The following OVGP1 variants were observed in gnomAD, a reference collection of about 807,000 sequenced individuals.
OVGP1 encodes oviductal glycoprotein 1, also known as oviduct-specific glycoprotein.
Under a neutral mutation model 48.2 loss-of-function variants are expected in OVGP1, and 26 were observed. The observed-to-expected ratio is 0.54, with a 90% CI of 0.40 to 0.75. The LOEUF (loss-of-function observed/expected upper bound fraction) is 0.75. Ranked by LOEUF, OVGP1 falls within the 30% of genes least tolerant of loss-of-function variation. The pLI, the probability that OVGP1 is intolerant of heterozygous loss-of-function variation, is 0.00. For missense variants in OVGP1, 791 were observed against 820.6 expected (o/e 0.96, Z 0.44); for synonymous variants, 294 against 305.7 (o/e 0.96, Z 0.40).
intron 4 of OVGP1, 28 bp from the exon 5 acceptor site, chr1:111,423,736 G>T (rs1293750883): frequency 2.7e-5 from 44 of 1,607,464 alleles, no homozygotes; most frequent in Non-Finnish European, 3.6e-5. Flanking sequence ...GTAAGGCAAA[G>T]AACTCTATCC....
In OVGP1 at chr1:111,422,986, A is replaced by C; in HGVS notation, c.549T>G (p.Ala183=). 3 of 1,614,194 alleles carry C rather than the reference A, an allele frequency of 1.9e-6. No homozygotes were observed. The highest frequency in any genetic ancestry group is 2.5e-6 in the Non-Finnish European group (3 of 1,180,032). Residue 183 remains alanine, a synonymous_variant, in exon 6 of 11, where the codon GCT becomes GCG. Coordinates refer to ENST00000369732, the MANE Select transcript of OVGP1 (RefSeq NM_002557.4). ...CGATGTGTGGGACCCCAGAAACAGCAGCAGACAGCAGCAGCCTCGGGCGCA... is the reference window on the plus strand; with the variant it reads ...CGATGTGTGGGACCCCAGAAACAGCCGCAGACAGCAGCAGCCTCGGGCGCA... ...LTMRPRLLLS[A]AVSGVPHIVQ... is the part of the protein sequence containing the mutation.
At chr1:111,427,418 A>G (rs1332542867) in intron 1 of OVGP1, 11 of 955,142 alleles carry the variant, frequency 1.2e-5, no homozygotes, top group Non-Finnish European at 1.4e-5. Context: ...AAGTACTGAT[A>G]TCCTGGCTGG....
chr1:111,417,555 C>T (rs1399492057), intron 9 of OVGP1, among the ~76,000 whole-genome samples: 1 of 152,160 alleles, frequency 6.6e-6, no homozygotes, highest in Non-Finnish European at 1.5e-5. Flanking sequence ...AAGTCTGAAA[C>T]TGTGAAGTTT....
chr1:111,420,259 G>C (rs893734708), intron 8 of OVGP1, among the ~76,000 whole-genome samples: 1 of 152,166 alleles, frequency 6.6e-6, no homozygotes, highest in Non-Finnish European at 1.5e-5. Context: ...AAAACTATAT[G>C]CTGCAAAAAA....
intron 5 of OVGP1, 132 bp downstream of exon 5, chr1:111,423,411 G>T (rs1557784314): frequency 1.0e-6 from 1 of 970,442 alleles, no homozygotes; most frequent in Non-Finnish European, 1.5e-6. Flanking sequence ...CCCTCCAGGG[G>T]TTCACAGTAA....
At position 111,414,591 on chromosome 1, in the gene OVGP1, G is replaced by T. The variant is rs1312008461; in HGVS notation, c.1910C>A (p.Ala637Asp). The change falls in exon 11 of 11, where the codon GCT (alanine) becomes GAT (aspartate). Residue 637 changes from alanine (A) to aspartate (D), a missense_variant. Transcript: ENST00000369732. ...GATGGGAACAAAGCGGTTGTCAAAA[G>T]CTAGAGGAGTTTGTTCCGGGAGCTG... ...VIQLPEQTPL[A>D]FDNRFVPIYG... The T allele has an allele frequency of 3.7e-6, 6 of 1,614,230 alleles. No homozygotes were observed. Among genetic ancestry groups the T allele is most frequent in the Non-Finnish European group, 5.1e-6 (6 of 1,180,040 alleles).
intron 4 of OVGP1, among the ~76,000 whole-genome samples, chr1:111,423,969 C>T (rs965502200): frequency 2.0e-5 from 3 of 152,228 alleles, no homozygotes; most frequent in African/African-American, 7.2e-5. Context: ...CAGGGAACAG[C>T]AGGCACAGAA....
In OVGP1 at chr1:111,415,274, T is replaced by C. The variant is rs781559869; in HGVS notation, c.1227A>G (p.Glu409=). Residue 409 remains glutamate (E), a synonymous_variant, in exon 11 of 11, where the codon GAA becomes GAG. Coordinates refer to ENST00000369732, the MANE Select transcript of OVGP1 (RefSeq NM_002557.4). The stretch of plus-strand genomic sequence containing the variant: ...TCCATGCCGTGGTCACAGCCAGCCT[T>C]TCAGGGTCAGTGCTTGAAGAATTCA... ...SAVNSSSTDP[E]RLAVTTAWTT... is the part of the protein sequence containing the mutation. The C allele has an allele frequency of 6.2e-7, 1 of 1,614,136 alleles. No individual in the cohort carries two copies. Among genetic ancestry groups the C allele is most frequent in the South Asian group, 1.1e-5 (1 of 91,086 alleles).
chr1:111,415,252 A>T lies in OVGP1; in HGVS notation c.1249T>A (p.Trp417Arg), dbSNP rs754440318. The T allele has an allele frequency of 3.1e-6, 5 of 1,614,084 alleles. No individual in the cohort carries two copies. Among genetic ancestry groups the T allele is most frequent in the Non-Finnish European group, 4.2e-6 (5 of 1,180,038 alleles). Residue 417 changes from tryptophan to arginine, a missense_variant, in exon 11 of 11, where the codon TGG becomes AGG. Coordinates refer to ENST00000369732, the MANE Select transcript of OVGP1 (RefSeq NM_002557.4). ...GGCAAAATCTTACTATCAGTGGTCC[A>T]TGCCGTGGTCACAGCCAGCCTTTCA... is the stretch of plus-strand genomic sequence containing the variant. ...DPERLAVTTA[W>R]TTDSKILPPG...
chr1:111,420,228 T>C (rs1476823010), intron 8 of OVGP1, among the ~76,000 whole-genome samples: 2 of 152,214 alleles, frequency 1.3e-5, no homozygotes, highest in Non-Finnish European at 2.9e-5. Context: ...GAGTGTCCAC[T>C]GAGTGCCCAG....
rs1007796933 is a variant in OVGP1 at position 111,423,859 on chromosome 1, A to T, written c.318-151T>A. ...ATTTCCAAAACTCTCCCACCTTCTT[A>T]TATGCCTCTCCCAGCACCAGGAGCT... On this transcript the variant is annotated intron_variant, in intron 4 of 10. Transcript: ENST00000369732. 2.3e-5 allele frequency: 16 copies of T among 699,424 alleles called. 1 individual carries two copies. Among genetic ancestry groups the T allele is most frequent in the Non-Finnish European group, 3.6e-5 (15 of 411,498 alleles). 43.3% of individuals were successfully genotyped at this position (699,424 alleles called of 1,614,324 possible). A position where few individuals can be genotyped will look rare whatever the true frequency, so the allele number is the denominator to read the frequency against.
intron 6 of OVGP1, among the ~76,000 whole-genome samples, chr1:111,422,255 A>G (rs1390671013): frequency 6.6e-6 from 1 of 152,170 alleles, no homozygotes. Flanking sequence ...TAAAAGATCA[A>G]CACTAACACA....
At chr1:111,421,142 T>G (rs1652257269) in intron 8 of OVGP1, 134 bp downstream of exon 8, 1 of 658,470 alleles carries the variant, frequency 1.5e-6, no homozygotes, top group Non-Finnish European at 2.4e-6. Context: ...AGAGTGGGTT[T>G]CTCTTGTACT....
chr1:111,418,306 T>C (rs1459150735), intron 9 of OVGP1, among the ~76,000 whole-genome samples: 1 of 152,200 alleles, frequency 6.6e-6, no homozygotes, highest in African/African-American at 2.4e-5. Context: ...CTATGGGTCA[T>C]AGACTTAACT....
At position 111,421,605 on chromosome 1, in the gene OVGP1, T is replaced by C. The variant is rs149341150; in HGVS notation, c.677A>G (p.Asn226Ser). The stretch of plus-strand genomic sequence containing the variant: ...TTCAGGCAGAGAGAAGAGGGGGCTA[T>C]TATGTCCTGTGAACCTTTCCCAACT... ...HGSWERFTGH[N>S]SPLFSLPEDP... Residue 226 changes from asparagine to serine, a missense_variant, in exon 7 of 11, where the codon AAT becomes AGT. Coordinates refer to ENST00000369732, the MANE Select transcript of OVGP1 (RefSeq NM_002557.4). 2.5e-6 allele frequency: 4 copies of C among 1,613,342 alleles called. No individual in the cohort carries two copies. In the African/African-American group the frequency reaches 5.3e-5, roughly 22 times the overall value.
chr1:111,425,956 A>G (rs943617761), intron 3 of OVGP1, among the ~76,000 whole-genome samples: 4 of 152,094 alleles, frequency 2.6e-5, no homozygotes, highest in African/African-American at 7.2e-5. Flanking sequence ...TTCCGGAGAG[A>G]GGAAAATGTA....
intron 4 of OVGP1, among the ~76,000 whole-genome samples, chr1:111,424,133 T>C (rs913045147): frequency 6.6e-5 from 10 of 152,208 alleles, no homozygotes; most frequent in African/African-American, 1.9e-4. Flanking sequence ...TGACATTTTC[T>C]ACCTGACTGG....
In OVGP1 at chr1:111,415,295, A is replaced by G; in HGVS notation, c.1206T>C (p.Asn402=). The G allele has an allele frequency of 6.2e-7, 1 of 1,613,880 alleles. No homozygotes were observed. The highest frequency in any genetic ancestry group is 8.5e-7 in the Non-Finnish European group (1 of 1,179,816). The change falls in exon 11 of 11, where the codon AAT becomes AAC. Residue 402 remains asparagine, a synonymous_variant. Coordinates refer to ENST00000369732, the MANE Select transcript of OVGP1 (RefSeq NM_002557.4). ...GCCTTTCAGGGTCAGTGCTTGAAGA[A>G]TTCACAGCAGATGACAGCCAAAATT... is the stretch of plus-strand genomic sequence containing the variant. ...LPQFWLSSAV[N]SSSTDPERLA...
intron 1 of OVGP1, chr1:111,427,434 C>A (rs1357696789): frequency 1.1e-6 from 1 of 916,728 alleles, no homozygotes; most frequent in Non-Finnish European, 1.3e-6. Flanking sequence ...GCTGGTCATG[C>A]AGAGATTCTA....
Sources: gnomAD v4.1 joint callset for allele counts (sites outside exome capture counted in the v4.1 genomes callset) on GRCh38, gnomAD v4.1.1 for gene constraint, MANE v1.5 for transcripts, NCBI Gene and HGNC (gene_info 2026-07-23, HGNC 2026-07-21) for gene names.